The following RAB23 variants were observed in gnomAD, a reference collection of about 807,000 sequenced individuals.
RAB23 encodes ras-related protein Rab-23.
A neutral mutation model predicts 30.0 loss-of-function variants in RAB23; 15 were observed. The ratio of observed to expected loss-of-function variants is 0.50; its 90% CI spans 0.33 to 0.77. RAB23 has a LOEUF of 0.77. Ranked by LOEUF, RAB23 falls within the 30% of genes least tolerant of loss-of-function variation. The pLI is 0.02. For synonymous variants in RAB23, 93 were observed against 94.0 expected, an observed-to-expected ratio of 0.99 and a Z score of 0.06; for missense variants, 243 against 275.4, an observed-to-expected ratio of 0.88 and a Z score of 0.83.
chr6:57,195,331 C>A (rs142615125), intron 4 of RAB23, among the ~76,000 whole-genome samples: 3 of 152,148 alleles, frequency 2.0e-5, no homozygotes, highest in Admixed American at 1.3e-4. Flanking sequence ...AAGCCAAAGT[C>A]AGTATATTAA....
chr6:57,194,836 G>A lies in RAB23; in HGVS notation c.415C>T (p.Leu139=). The A allele has an allele frequency of 6.2e-7, 1 of 1,613,036 alleles. No individual in the cohort carries two copies. Among genetic ancestry groups the A allele is most frequent in the Non-Finnish European group, 8.5e-7 (1 of 1,179,414 alleles). ...AATCTTAACTTTAACCTTTTTGCCA[G>A]TGCCTCAGCTTCCTCACTGCACATC... ...SCIKNEEAEA[L]AKRLKLRFYR... The change falls in exon 5 of 7, where the codon CTG becomes TTG. Residue 139 remains leucine, a synonymous_variant. Transcript: ENST00000468148.
In RAB23 at chr6:57,200,536, CAAAAAAAAAA is replaced by C. The variant is rs989178921; in HGVS notation, c.242-3940_242-3931del. ...TGGGTGACAGAGTGAGACTCTGTCT[CAAAAAAAAAA>C]AAAAAAAAAAAAGAATTTTTTTAGA... On this transcript the variant is annotated intron_variant, in intron 3 of 6. Transcript: ENST00000468148. Among the ~76,000 whole-genome samples the C allele has an allele frequency of 6.3e-4, 27 of 42,668 alleles. No individual in the cohort carries two copies. In the East Asian group the frequency reaches 9.1e-3, roughly 14 times the overall value. 28.0% of individuals were successfully genotyped at this position (42,668 alleles called of 152,430 possible).
rs182388474 is a variant in RAB23, at chr6:57,220,985, T to A, written c.-66+741A>T. On this transcript the variant is annotated intron_variant, in intron 1 of 6. Coordinates refer to ENST00000468148, the MANE Select transcript of RAB23 (RefSeq NM_016277.5). ...AAGCACTAGATCAAAACAATTACGT[T>A]CCTAGAAATAAGCATACTTCTGAGT... is the stretch of plus-strand genomic sequence containing the variant. Among the ~76,000 whole-genome samples the A allele has an allele frequency of 5.3e-5, 8 of 152,304 alleles. No individual in the cohort carries two copies. The East Asian group carries it at 7.7e-4, about 15-fold the overall frequency.
Position 57,210,388 on chromosome 6 carries a change from G to C in RAB23, c.-8C>G, listed in dbSNP as rs903084483. 5 of 1,613,576 alleles carry C rather than the reference G, an allele frequency of 3.1e-6. No individual in the cohort carries two copies. The highest frequency in any genetic ancestry group is 4.2e-6 in the Non-Finnish European group (5 of 1,179,790). Reference sequence around the variant, plus strand: ...CATATCTTCCTCCAACATTTTTGGAGCTGAAATGGTTTCTGTACCAACTCT... The same window carrying C: ...CATATCTTCCTCCAACATTTTTGGACCTGAAATGGTTTCTGTACCAACTCT... On this transcript the variant is annotated 5_prime_UTR_variant, in exon 2 of 7. Transcript: ENST00000468148.
intron 3 of RAB23, among the ~76,000 whole-genome samples, chr6:57,198,530 A>T (rs955637446): frequency 1.2e-4 from 18 of 151,944 alleles, no homozygotes; most frequent in African/African-American, 4.4e-4. Context: ...AAAATACAAA[A>T]ATCAGCCAGG....
At chr6:57,214,510 GC>G (rs1217213173) in intron 1 of RAB23, among the ~76,000 whole-genome samples, 1 of 152,012 alleles carries the variant, frequency 6.6e-6, no homozygotes, top group Non-Finnish European at 1.5e-5. Context: ...TGCCATTTTG[GC>G]CAGGCTGGTC....
intron 3 of RAB23, among the ~76,000 whole-genome samples, chr6:57,201,240 C>G (rs1213293871): frequency 6.6e-6 from 1 of 152,080 alleles, no homozygotes; most frequent in African/African-American, 2.4e-5. Context: ...ACCACCATGC[C>G]CAACTAATTT....
intron 3 of RAB23, among the ~76,000 whole-genome samples, chr6:57,201,817 T>C (rs919688431): frequency 6.6e-6 from 1 of 152,230 alleles, no homozygotes; most frequent in African/African-American, 2.4e-5. Context: ...CGTCTGTATC[T>C]TTCTGTACTA....
Position 57,193,864 on chromosome 6 carries a change from C to T in RAB23, c.552G>A (p.Thr184=), listed in dbSNP as rs201731610. 116 of 1,612,750 alleles carry T rather than the reference C, an allele frequency of 7.2e-5. No homozygotes were observed. Among genetic ancestry groups the T allele is most frequent in the East Asian group, 4.7e-4 (21 of 44,682 alleles). Residue 184 remains threonine (T), a synonymous_variant, in exon 6 of 7, where the codon ACG becomes ACA. Transcript: ENST00000468148. ...TACCAATCTTGTTACTACTTGAATG[C>T]GTTAGTTCTGGATCCTCAGCTATTT... ...KQQIAEDPEL[T]HSSSNKIGVF...
chr6:57,202,930 T>G (rs1333174861), intron 3 of RAB23, among the ~76,000 whole-genome samples: 1 of 151,598 alleles, frequency 6.6e-6, no homozygotes, highest in Non-Finnish European at 1.5e-5. Flanking sequence ...ACTGAGGACC[T>G]ATCTCAGTAT....
chr6:57,219,124 A>T (rs1187920000), intron 1 of RAB23, among the ~76,000 whole-genome samples: 2 of 152,242 alleles, frequency 1.3e-5, no homozygotes, highest in Non-Finnish European at 2.9e-5. Flanking sequence ...ACCCTGAACT[A>T]ATGAGTTTAG....
chr6:57,217,785 A>T lies in RAB23; in HGVS notation c.-66+3941T>A, dbSNP rs1765905504. ...GAAATCAATGAAATTGCAAACAGAAAAACTGATGAAACAAAAAGCTGGCTT... is the reference window on the plus strand; with the variant it reads ...GAAATCAATGAAATTGCAAACAGAATAACTGATGAAACAAAAAGCTGGCTT... On this transcript the variant is annotated intron_variant, in intron 1 of 6. Coordinates refer to ENST00000468148, the MANE Select transcript of RAB23 (RefSeq NM_016277.5). 2.6e-5 allele frequency among the ~76,000 whole-genome samples: 4 copies of T among 152,206 alleles called. No homozygotes were observed. The South Asian group carries it at 8.3e-4, about 32-fold the overall frequency.
At position 57,189,177 on chromosome 6, in the gene RAB23, T is replaced by C. The variant is rs1439127425; in HGVS notation, c.*1284A>G. The C allele has an allele frequency of 6.6e-6, 1 of 152,208 alleles. No homozygotes were observed. Among genetic ancestry groups the C allele is most frequent in the African/African-American group, 2.4e-5 (1 of 41,444 alleles). 9.4% of individuals were successfully genotyped at this position (152,208 alleles called of 1,614,324 possible). ...CAAAATTTATGTCCTGACACATGAT[T>C]ACATATTAAATCATTTTGTAAAAGA... On this transcript the variant is annotated 3_prime_UTR_variant, in exon 7 of 7. Transcript: ENST00000468148.
intron 2 of RAB23, among the ~76,000 whole-genome samples, chr6:57,208,112 G>C (rs1367586403): frequency 6.6e-6 from 1 of 152,128 alleles, no homozygotes; most frequent in Non-Finnish European, 1.5e-5. Flanking sequence ...GAGTACTTTC[G>C]GATGTTGATA....
At chr6:57,217,430 T>G (rs533333552) in intron 1 of RAB23, among the ~76,000 whole-genome samples, 67 of 152,216 alleles carry the variant, frequency 4.4e-4, no homozygotes, top group African/African-American at 1.6e-3. Context: ...TGCCTCAGCC[T>G]CCCGAGTAGG....
At chr6:57,192,410 T>C (rs1764872940) in intron 6 of RAB23, among the ~76,000 whole-genome samples, 1 of 152,160 alleles carries the variant, frequency 6.6e-6, no homozygotes, top group Non-Finnish European at 1.5e-5. Context: ...TACAATGTAA[T>C]AAGACAAGAC....
chr6:57,192,439 T>C lies in RAB23; in HGVS notation c.574+1403A>G, dbSNP rs115533570. 3.5e-3 allele frequency among the ~76,000 whole-genome samples: 532 copies of C among 152,336 alleles called. 2 individuals carry two copies. The highest frequency in any genetic ancestry group is 0.011 in the African/African-American group (441 of 41,576). On this transcript the variant is annotated intron_variant, in intron 6 of 6. Transcript: ENST00000468148. ...ACAAGACAGTAAACAAGTAATGCCATATGACATTATATGTTAAGTGTCATA... is the reference window on the plus strand; with the variant it reads ...ACAAGACAGTAAACAAGTAATGCCACATGACATTATATGTTAAGTGTCATA...
chr6:57,217,636 G>A (rs1765900762), intron 1 of RAB23, among the ~76,000 whole-genome samples: 1 of 152,154 alleles, frequency 6.6e-6, no homozygotes, highest in African/African-American at 2.4e-5. Context: ...AGCGCTAAAT[G>A]CTTACTTTGA....
chr6:57,200,944 A>G (rs1305100375), intron 3 of RAB23, among the ~76,000 whole-genome samples: 2 of 152,190 alleles, frequency 1.3e-5, no homozygotes, highest in Admixed American at 6.5e-5. Flanking sequence ...ATGCTAAACT[A>G]AAATATGGCA....
Sources: gnomAD v4.1 joint callset for allele counts (sites outside exome capture counted in the v4.1 genomes callset) on GRCh38, gnomAD v4.1.1 for gene constraint, MANE v1.5 for transcripts, NCBI Gene and HGNC (gene_info 2026-07-23, HGNC 2026-07-21) for gene names.